The following CHODL variants were observed in gnomAD, a reference collection of about 807,000 sequenced individuals.
CHODL encodes the protein chondrolectin.
CHODL carries 29 observed loss-of-function variants against 34.5 expected under a neutral mutation model. That is an observed-to-expected ratio of 0.84 (90% CI 0.63 to 1.15). The LOEUF is 1.15. Among genes scored for constraint, CHODL ranks in the 50% most tolerant of loss-of-function variants. The pLI, the probability that CHODL is intolerant of heterozygous loss-of-function variation, is 0.00. For synonymous variants in CHODL, 125 were observed against 116.1 expected (o/e 1.08, Z -0.49); for missense variants, 332 against 332.5 (o/e 1.00, Z 0.01).
At chr21:18,239,027 T>C (rs941795357) in intron 2 of CHODL, among the ~76,000 whole-genome samples, 1 of 152,062 alleles carries the variant, frequency 6.6e-6, no homozygotes, top group African/African-American at 2.4e-5. Context: ...TGGAGAGAAA[T>C]ATTATAGCAC....
At chr21:17,997,327 C>T (rs1353032309) in intron 1 of CHODL, among the ~76,000 whole-genome samples, 4 of 152,210 alleles carry the variant, frequency 2.6e-5, no homozygotes, top group Non-Finnish European at 4.4e-5. Flanking sequence ...ACTTTGGCTT[C>T]TGCCTTTTCT....
rs1170934940 is a variant in CHODL, at chr21:18,245,323, C to T, written c.79+21C>T. On this transcript the variant is annotated intron_variant, in intron 1 of 5. Coordinates refer to ENST00000299295, the MANE Select transcript of CHODL (RefSeq NM_024944.3). ...CAGCGGTGAGTCAGGGGCCGTCTCC[C>T]CGAAGAACGAGCGGGGAGAGGGGAC... 4.6e-6 allele frequency: 7 copies of T among 1,509,348 alleles called. No homozygotes were observed. In the East Asian group the frequency reaches 7.9e-5, roughly 17 times the overall value. 93.5% of individuals were successfully genotyped at this position (1,509,348 alleles called of 1,614,324 possible). A position where few individuals can be genotyped will look rare whatever the true frequency, so the allele number is the denominator to read the frequency against.
At chr21:18,014,901 A>G (rs746739742) in intron 1 of CHODL, among the ~76,000 whole-genome samples, 4 of 152,204 alleles carry the variant, frequency 2.6e-5, no homozygotes, top group Non-Finnish European at 4.4e-5. Flanking sequence ...AATACAGAAA[A>G]TTGGTACACA....
At chr21:17,941,265 A>T (rs1248411293) in intron 1 of CHODL, among the ~76,000 whole-genome samples, 1 of 150,528 alleles carries the variant, frequency 6.6e-6, no homozygotes, top group Non-Finnish European at 1.5e-5. Context: ...GGGGAAGAAA[A>T]TCCCAAAACT....
intron 1 of CHODL, among the ~76,000 whole-genome samples, chr21:17,991,486 A>G (rs975125676): frequency 2.0e-5 from 3 of 151,842 alleles, no homozygotes; most frequent in Non-Finnish European, 4.4e-5. Flanking sequence ...TGTCTTTTTG[A>G]TAGTAGCCAT....
At chr21:18,134,469 T>A in intron 2 of CHODL, 1 of 452,040 alleles carries the variant, frequency 2.2e-6, no homozygotes, top group Non-Finnish European at 4.5e-6. Context: ...TCCTTCAGAC[T>A]GAATACATTG....
At chr21:17,920,690 T>C (rs1463650107) in intron 1 of CHODL, among the ~76,000 whole-genome samples, 1 of 152,222 alleles carries the variant, frequency 6.6e-6, no homozygotes, top group Non-Finnish European at 1.5e-5. Flanking sequence ...CAATAAATGG[T>C]AGCTATTATT....
intron 2 of CHODL, among the ~76,000 whole-genome samples, chr21:18,171,543 T>C (rs79401617): frequency 0.014 from 2,160 of 152,158 alleles, 58 homozygotes; most frequent in African/African-American, 0.048. Context: ...AAGAGCCAAT[T>C]TAAAATCTTT....
At chr21:18,249,040 A>C (rs961001440) in intron 1 of CHODL, among the ~76,000 whole-genome samples, 19 of 113,974 alleles carry the variant, frequency 1.7e-4, no homozygotes, top group Middle Eastern at 8.1e-3. Context: ...AATATATATA[A>C]TATTATATAT....
intron 1 of CHODL, among the ~76,000 whole-genome samples, chr21:17,994,683 A>AGCAGTG (rs1393954843): frequency 1.3e-5 from 2 of 152,184 alleles, no homozygotes; most frequent in African/African-American, 4.8e-5. Context: ...CGTCAGTGAC[A>AGCAGTG]GCAGTGGCAG....
chr21:18,126,228 A>C (rs1391528876), intron 2 of CHODL, among the ~76,000 whole-genome samples: 1 of 152,242 alleles, frequency 6.6e-6, no homozygotes, highest in Non-Finnish European at 1.5e-5. Flanking sequence ...ACATCGAGGA[A>C]AGATGCTTCA....
intron 2 of CHODL, among the ~76,000 whole-genome samples, chr21:18,109,831 G>A (rs1040022522): frequency 4.6e-5 from 7 of 152,106 alleles, no homozygotes; most frequent in Non-Finnish European, 7.3e-5. Context: ...CAGAGTACCT[G>A]GAAAGAGCTC....
chr21:18,199,222 T>A (rs1568934062), intron 2 of CHODL, among the ~76,000 whole-genome samples: 2 of 152,124 alleles, frequency 1.3e-5, no homozygotes, highest in Non-Finnish European at 2.9e-5. Flanking sequence ...CAGCATGGTC[T>A]CAGGAGGATA....
intron 1 of CHODL, among the ~76,000 whole-genome samples, chr21:17,957,375 A>G (rs569246220): frequency 1.3e-5 from 2 of 152,132 alleles, no homozygotes; most frequent in Non-Finnish European, 2.9e-5. Flanking sequence ...CTCCATCAAG[A>G]TAGAGTTTAA....
intron 2 of CHODL, among the ~76,000 whole-genome samples, chr21:18,213,995 A>G (rs1378515416): frequency 6.6e-6 from 1 of 152,068 alleles, no homozygotes; most frequent in Non-Finnish European, 1.5e-5. Context: ...GCAAGCCAGA[A>G]ATTCTAAAAT....
chr21:17,980,398 G>C (rs2063704622), intron 1 of CHODL, among the ~76,000 whole-genome samples: 1 of 152,176 alleles, frequency 6.6e-6, no homozygotes, highest in South Asian at 2.1e-4. Flanking sequence ...TAGGATCACT[G>C]GGTAAAATAT....
chr21:18,165,732 AT>A (rs1006653643), intron 2 of CHODL, among the ~76,000 whole-genome samples: 2 of 152,218 alleles, frequency 1.3e-5, no homozygotes, highest in African/African-American at 4.8e-5. Flanking sequence ...TCACAAAAAT[AT>A]TCTATCTTTC....
intron 2 of CHODL, among the ~76,000 whole-genome samples, chr21:18,219,816 A>G (rs964293369): frequency 2.0e-4 from 30 of 151,312 alleles, no homozygotes; most frequent in African/African-American, 7.1e-4. Flanking sequence ...AGTTCCTTAT[A>G]TATTAAAATT....
chr21:18,109,824 A>T (rs1420435608), intron 2 of CHODL, among the ~76,000 whole-genome samples: 1 of 152,190 alleles, frequency 6.6e-6, no homozygotes, highest in Non-Finnish European at 1.5e-5. Context: ...CCCAAGACAG[A>T]GTACCTGGAA....
Sources: allele counts gnomAD v4.1 joint callset (sites outside exome capture counted in the v4.1 genomes callset), GRCh38; gene constraint gnomAD v4.1.1; transcripts MANE v1.5; gene names NCBI Gene and HGNC (gene_info 2026-07-23, HGNC 2026-07-21).